Variants in PCSK9 observed in about 807,000 individuals in gnomAD.
PCSK9 encodes the protein proprotein convertase subtilisin/kexin type 9.
PCSK9 carries 57 observed loss-of-function variants against 62.1 expected under a neutral mutation model. The ratio of observed to expected loss-of-function variants is 0.92; its 90% CI spans 0.74 to 1.14. The LOEUF (loss-of-function observed/expected upper bound fraction) is 1.14. Ranked by LOEUF, PCSK9 falls within the 50% of genes most tolerant of loss-of-function variation. PCSK9 has a pLI of 0.00. For missense variants in PCSK9, 870 were observed against 959.8 expected, an observed-to-expected ratio of 0.91 and a Z score of 1.24; for synonymous variants, 387 against 409.4, an observed-to-expected ratio of 0.95 and a Z score of 0.66.
intron 3 of PCSK9, among the ~76,000 whole-genome samples, chr1:55,049,992 A>T (rs1396590109): frequency 1.4e-5 from 1 of 71,000 alleles, no homozygotes; most frequent in African/African-American, 2.9e-5. Flanking sequence ...TTCCCTCCTC[A>T]CACACGACGA....
intron 11 of PCSK9, 49 bp from the exon 12 acceptor site, chr1:55,063,320 G>T: frequency 6.3e-7 from 1 of 1,575,104 alleles, no homozygotes; most frequent in African/African-American, 1.3e-5. Context: ...GTGGGTGGGG[G>T]TCCCGGGCCA....
rs760888366 is a variant in PCSK9, at chr1:55,043,728, A to G, written c.208-115A>G. On this transcript the variant is annotated intron_variant, in intron 1 of 11. Transcript: ENST00000302118. ...GCATTTGGTAACTTCTTTATCATCTACTATACTCTGTTGTGTCTCTTTTGT... is the reference window on the plus strand; with the variant it reads ...GCATTTGGTAACTTCTTTATCATCTGCTATACTCTGTTGTGTCTCTTTTGT... The G allele has an allele frequency of 3.7e-4, 465 of 1,265,052 alleles. 4 individuals are homozygous for G. Among genetic ancestry groups the G allele is most frequent in the Admixed American group, 2.4e-4 (12 of 50,656 alleles). 78.4% of individuals were successfully genotyped at this position (1,265,052 alleles called of 1,614,324 possible). A position where few individuals can be genotyped will look rare whatever the true frequency, so the allele number is the denominator to read the frequency against.
chr1:55,062,629 A>G (rs1264786045), intron 11 of PCSK9, among the ~76,000 whole-genome samples: 3 of 152,152 alleles, frequency 2.0e-5, no homozygotes, highest in Non-Finnish European at 2.9e-5. Context: ...GAGGCAGAGA[A>G]CATGTTCCAG....
chr1:55,045,085 C>A (rs1237004678), intron 2 of PCSK9, among the ~76,000 whole-genome samples: 1 of 152,170 alleles, frequency 6.6e-6, no homozygotes, highest in Non-Finnish European at 1.5e-5. Context: ...AGAGACTGAC[C>A]AGTGACTGCC....
At chr1:55,052,519 C>G in intron 4 of PCSK9, 108 bp downstream of exon 4, 7 of 1,460,486 alleles carry the variant, frequency 4.8e-6, no homozygotes, top group South Asian at 1.2e-5. Flanking sequence ...TGGGTTGCAC[C>G]CCCCCCAGCT....
Position 55,055,079 on chromosome 1 carries a change from G to A in PCSK9, c.800-914G>A, listed in dbSNP as rs550791152. Among the ~76,000 whole-genome samples the A allele has an allele frequency of 2.6e-5, 4 of 152,294 alleles. No individual in the cohort carries two copies. The South Asian group carries it at 8.3e-4, about 32-fold the overall frequency. On this transcript the variant is annotated intron_variant, in intron 5 of 11. Coordinates refer to ENST00000302118, the MANE Select transcript of PCSK9 (RefSeq NM_174936.4). ...AGACCATGGCCTGCACCAAAATGGG[G>A]GAGTGGAGTGCCACTGAGGCCAGAA...
chr1:55,061,335 C>T, intron 10 of PCSK9, 40 bp from the exon 11 acceptor site: 1 of 1,576,552 alleles, frequency 6.3e-7, no homozygotes, highest in Non-Finnish European at 8.6e-7. Flanking sequence ...GACGGAGCAT[C>T]CCAGCATTTC....
rs1405188568 is a variant in PCSK9 at position 55,061,699 on chromosome 1, T to C, written c.1863+143T>C. The C allele has an allele frequency of 2.2e-5, 24 of 1,104,378 alleles. No individual in the cohort carries two copies. The East Asian group carries it at 5.9e-4, about 27-fold the overall frequency. The allele number at this position is 1,104,378 out of a possible 1,614,324, so 68.4% of individuals were successfully genotyped here. A position where few individuals can be genotyped will look rare whatever the true frequency, so the allele number is the denominator to read the frequency against. ...TAGATGCTGTGGGCAGCTTCCGCCATTGTGTGGACAGCATGTATATGTGTC... is the reference window on the plus strand; with the variant it reads ...TAGATGCTGTGGGCAGCTTCCGCCACTGTGTGGACAGCATGTATATGTGTC... On this transcript the variant is annotated intron_variant, in intron 11 of 11. Coordinates refer to ENST00000302118, the MANE Select transcript of PCSK9 (RefSeq NM_174936.4).
In PCSK9 at chr1:55,063,444, G is replaced by T. The variant is rs141438059; in HGVS notation, c.1939G>T (p.Ala647Ser). The T allele has an allele frequency of 1.6e-5, 26 of 1,613,926 alleles. No homozygotes were observed. Among genetic ancestry groups the T allele is most frequent in the Non-Finnish European group, 2.2e-5 (26 of 1,179,996 alleles). The change falls in exon 12 of 12, where the codon GCC (alanine) becomes TCC (serine). Residue 647 changes from alanine to serine, a missense_variant. By Grantham distance (99) the Ala-to-Ser change is moderately conservative. Transcript: ENST00000302118. ...CCCTGGGACCTCCCACGTCCTGGGG[G>T]CCTACGCCGTAGACAACACGTGTGT... ...ALPGTSHVLGAYAVDNTCVVR... is the reference protein window; with the variant it reads ...ALPGTSHVLGSYAVDNTCVVR...
In PCSK9 at chr1:55,063,800, C is replaced by G; in HGVS notation, c.*216C>G. The G allele has an allele frequency of 1.7e-6, 1 of 602,944 alleles. No individual in the cohort carries two copies. The highest frequency in any genetic ancestry group is 3.0e-5 in the Admixed American group (1 of 33,540). 37.3% of individuals were successfully genotyped at this position (602,944 alleles called of 1,614,324 possible). The stretch of plus-strand genomic sequence containing the variant: ...GGTGCCTCCTCCCCAGGTGGAGGTG[C>G]CAGGAAGCTCCCTCCCTCACTGTGG... On this transcript the variant is annotated 3_prime_UTR_variant, in exon 12 of 12. Coordinates refer to ENST00000302118, the MANE Select transcript of PCSK9 (RefSeq NM_174936.4).
chr1:55,043,216 C>G lies in PCSK9; in HGVS notation c.208-627C>G, dbSNP rs28362218. Reference sequence around the variant, plus strand: ...AAGACAGTGGCCTTGACTTTTCTCTCTCTTTAAGAAGTGTTGCCTTTGCTC... The same window carrying G: ...AAGACAGTGGCCTTGACTTTTCTCTGTCTTTAAGAAGTGTTGCCTTTGCTC... On this transcript the variant is annotated intron_variant, in intron 1 of 11. Coordinates refer to ENST00000302118, the MANE Select transcript of PCSK9 (RefSeq NM_174936.4). Among the ~76,000 whole-genome samples the G allele has an allele frequency of 1.5e-3, 230 of 152,338 alleles. 1 individual carries two copies. The highest frequency in any genetic ancestry group is 5.4e-3 in the African/African-American group (226 of 41,576).
chr1:55,049,541 C>T (rs891563607), intron 3 of PCSK9, among the ~76,000 whole-genome samples: 17 of 152,346 alleles, frequency 1.1e-4, no homozygotes, highest in Admixed American at 1.3e-4. Flanking sequence ...CCTTGCCACG[C>T]TGTCACAGGG....
rs1644723918 is a variant in PCSK9 at position 55,057,430 on chromosome 1, G to A, written c.1096G>A (p.Glu366Lys). 1 of 1,614,132 alleles carries A rather than the reference G, an allele frequency of 6.2e-7. No individual in the cohort carries two copies. The highest frequency in any genetic ancestry group is 2.2e-5 in the East Asian group (1 of 44,890). Residue 366 changes from glutamate (E) to lysine (K), a missense_variant, in exon 7 of 12, where the codon GAG (glutamate) becomes AAG (lysine). Physicochemically the swap from Glu to Lys is moderately conservative, Grantham distance 56. Coordinates refer to ENST00000302118, the MANE Select transcript of PCSK9 (RefSeq NM_174936.4). ...CTGTGTGGACCTCTTTGCCCCAGGG[G>A]AGGACATCATTGGTGCCTCCAGCGA... ...GRCVDLFAPG[E>K]DIIGASSDCS...
At position 55,040,223 on chromosome 1, in the gene PCSK9, G is replaced by A. The variant is rs185710397; in HGVS notation, c.207+179G>A. ...GCAAGGCGGCGGGGGAGGACGGGTA[G>A]TGGGGAGCACGGTGGAGAGCGGGGA... On this transcript the variant is annotated intron_variant, in intron 1 of 11. Transcript: ENST00000302118. The surrounding 1 kb of genome is among the most constrained non-coding windows in gnomAD (Gnocchi z 4.1). Among the ~76,000 whole-genome samples the A allele has an allele frequency of 3.0e-4, 46 of 152,350 alleles. 2 individuals carry two copies. The East Asian group carries it at 8.7e-3, about 29-fold the overall frequency.
intron 2 of PCSK9, among the ~76,000 whole-genome samples, chr1:55,044,915 G>A (rs535551586): frequency 1.3e-5 from 2 of 152,178 alleles, no homozygotes; most frequent in Non-Finnish European, 2.9e-5. Context: ...GGGATTGACA[G>A]GGTCCCTGCC....
At chr1:55,062,713 T>TG (rs1644770128) in intron 11 of PCSK9, among the ~76,000 whole-genome samples, 1 of 151,732 alleles carries the variant, frequency 6.6e-6, no homozygotes, top group Admixed American at 6.6e-5. Flanking sequence ...AGTTATGAGA[T>TG]GGGGGGTGCC....
Position 55,057,326 on chromosome 1 carries a change from T to A in PCSK9, c.997-5T>A, listed in dbSNP as rs1388347568. 1 of 1,613,528 alleles carries A rather than the reference T, an allele frequency of 6.2e-7. No individual in the cohort carries two copies. The highest frequency in any genetic ancestry group is 2.2e-5 in the East Asian group (1 of 44,868). Reference sequence around the variant, plus strand: ...TCTCTGCCACCCACCTCCTCACCTTTCCAGGTCATCACAGTTGGGGCCACC... The same window carrying A: ...TCTCTGCCACCCACCTCCTCACCTTACCAGGTCATCACAGTTGGGGCCACC... On this transcript the variant is annotated splice_region_variant and splice_polypyrimidine_tract_variant and intron_variant, in intron 6 of 11. Coordinates refer to ENST00000302118, the MANE Select transcript of PCSK9 (RefSeq NM_174936.4).
chr1:55,039,610 GGAGGAGTGA>G lies in PCSK9; in HGVS notation c.-226_-218del, dbSNP rs1408315117. 2 of 610,734 alleles carry G rather than the reference GGAGGAGTGA, an allele frequency of 3.3e-6. No individual in the cohort carries two copies. Among genetic ancestry groups the G allele is most frequent in the Non-Finnish European group, 5.7e-6 (2 of 347,848 alleles). The allele number at this position is 610,734 out of a possible 1,614,324, so 37.8% of individuals were successfully genotyped here. On this transcript the variant is annotated 5_prime_UTR_variant, in exon 1 of 12. It removes the in-frame stop codon of an upstream open reading frame in the 5' UTR. Transcript: ENST00000302118. The stretch of plus-strand genomic sequence containing the variant: ...GCCGTTCAGTTCAGGGTCTGAGCCT[GGAGGAGTGA>G]GCCAGGCAGTGAGACTGGCTCGGGC...
At chr1:55,043,060 G>C (rs1644608223) in intron 1 of PCSK9, among the ~76,000 whole-genome samples, 1 of 152,216 alleles carries the variant, frequency 6.6e-6, no homozygotes, top group African/African-American at 2.4e-5. Context: ...AGCAGCTTAA[G>C]GCCCTCACCA....
Sources: allele counts gnomAD v4.1 joint callset (sites outside exome capture counted in the v4.1 genomes callset), GRCh38; gene constraint gnomAD v4.1.1; non-coding constraint Gnocchi (gnomAD v3.1); transcripts MANE v1.5; gene names NCBI Gene and HGNC (gene_info 2026-07-23, HGNC 2026-07-21).